The following CASD1 variants were observed in gnomAD, a reference collection of about 807,000 sequenced individuals.
CASD1 encodes the protein N-acetylneuraminate (7)9-O-acetyltransferase.
Under a neutral mutation model 100.0 loss-of-function variants are expected in CASD1, and 41 were observed. That is an observed-to-expected ratio of 0.41 (90% confidence interval 0.32 to 0.53). The LOEUF (loss-of-function observed/expected upper bound fraction) is 0.53, where lower values mean the gene tolerates loss of function less well. Ranked by LOEUF, CASD1 falls within the 20% of genes least tolerant of loss-of-function variation. The pLI, the probability that CASD1 is intolerant of heterozygous loss-of-function variation, is 0.25. For missense variants in CASD1, 774 were observed against 948.7 expected (o/e 0.82, Z 2.42); for synonymous variants, 321 against 315.6 (o/e 1.02, Z -0.18).
the CASD1 span, among the ~76,000 whole-genome samples, chr7:94,632,366 T>C: frequency 6.6e-6 from 1 of 152,054 alleles, no homozygotes; most frequent in Non-Finnish European, 1.5e-5. Context: ...TAAAAAACAT[T>C]TCTGCGTTCT....
At chr7:94,605,087 C>A in the CASD1 span, among the ~76,000 whole-genome samples, 1 of 151,506 alleles carries the variant, frequency 6.6e-6, no homozygotes, top group Non-Finnish European at 1.5e-5. Flanking sequence ...ATACATTAGT[C>A]CAGCTAGCAA....
downstream of CASD1, among the ~76,000 whole-genome samples, chr7:94,559,272 A>ATGTG (rs764130363): frequency 3.9e-3 from 258 of 65,560 alleles, 1 homozygote; most frequent in Non-Finnish European, 3.1e-3. Flanking sequence ...TTCTGTATAT[A>ATGTG]TGTCTGTGTG....
At chr7:94,576,982 TTC>T in the CASD1 span, among the ~76,000 whole-genome samples, 1 of 152,194 alleles carries the variant, frequency 6.6e-6, no homozygotes, top group Non-Finnish European at 1.5e-5. Flanking sequence ...ATTTCAGAAT[TTC>T]TGTTTCTTAT....
the CASD1 span, among the ~76,000 whole-genome samples, chr7:94,632,760 G>A: frequency 0.78 from 118,408 of 151,618 alleles, 46,951 homozygotes; most frequent in African/African-American, 0.92. Context: ...GCTCTGCAAC[G>A]GAGGCAATTT....
the CASD1 span, chr7:94,599,888 T>C: frequency 1.6e-6 from 1 of 618,878 alleles, no homozygotes; most frequent in Middle Eastern, 2.9e-4. Context: ...CTTGGATGAG[T>C]ACACATACAG....
intron 5 of CASD1, among the ~76,000 whole-genome samples, chr7:94,529,919 T>G (rs1436206147): frequency 1.3e-5 from 2 of 152,158 alleles, no homozygotes; most frequent in African/African-American, 4.8e-5. Context: ...AATAGCCTTA[T>G]AGAAGCCTAT....
the CASD1 span, chr7:94,619,941 A>G: frequency 6.6e-6 from 1 of 152,200 alleles, no homozygotes; most frequent in African/African-American, 2.4e-5. Context: ...GTAGGAGCCT[A>G]TAAAATATTA....
chr7:94,553,787 T>TAAATAAAC (rs1186701622), intron 16 of CASD1: 3 of 41,646 alleles, frequency 7.2e-5, no homozygotes, highest in Admixed American at 4.3e-4. Context: ...CCCTAGAACT[T>TAAATAAAC]AAATAAATAA....
At chr7:94,562,495 A>G in the CASD1 span, among the ~76,000 whole-genome samples, 1 of 152,152 alleles carries the variant, frequency 6.6e-6, no homozygotes, top group African/African-American at 2.4e-5. Context: ...TCTCCTCATT[A>G]GGGTCCCTGA....
At chr7:94,632,525 T>C in the CASD1 span, among the ~76,000 whole-genome samples, 3 of 152,126 alleles carry the variant, frequency 2.0e-5, no homozygotes, top group Non-Finnish European at 4.4e-5. Context: ...CAGTAAAGGC[T>C]GCTTCACTTT....
Position 94,510,050 on chromosome 7 carries a change from G to T in CASD1, c.-35G>T. The T allele has an allele frequency of 6.8e-7, 1 of 1,473,716 alleles. No homozygotes were observed. The highest frequency in any genetic ancestry group is 9.1e-7 in the Non-Finnish European group (1 of 1,104,302). 91.3% of individuals were successfully genotyped at this position (1,473,716 alleles called of 1,614,324 possible). ...TGCCCCTGTGCGGCGCCCCTTTCCCGCTCCGCCGCGCACTGTTGTCATGGA... is the reference window on the plus strand; with the variant it reads ...TGCCCCTGTGCGGCGCCCCTTTCCCTCTCCGCCGCGCACTGTTGTCATGGA... On this transcript the variant is annotated 5_prime_UTR_variant, in exon 1 of 18. Transcript: ENST00000297273.
intron 17 of CASD1, among the ~76,000 whole-genome samples, 187 bp from the exon 18 acceptor site, chr7:94,555,305 T>A (rs1377432597): frequency 6.6e-6 from 1 of 152,100 alleles, no homozygotes; most frequent in Non-Finnish European, 1.5e-5. Flanking sequence ...AGAGAGATTG[T>A]ATTAGCAGTT....
At chr7:94,588,619 T>A in the CASD1 span, 1 of 1,551,586 alleles carries the variant, frequency 6.4e-7, no homozygotes, top group African/African-American at 1.4e-5. Flanking sequence ...ATAAATTATA[T>A]AGTGCCATAA....
At chr7:94,525,816 A>G (rs1385784532) in intron 3 of CASD1, among the ~76,000 whole-genome samples, 1 of 152,238 alleles carries the variant, frequency 6.6e-6, no homozygotes, top group Admixed American at 6.5e-5. Flanking sequence ...TAACCTGTTG[A>G]TAGAACAAAT....
rs186979032 is a variant in CASD1 at position 94,539,817 on chromosome 7, T to C, written c.1356+761T>C. Among the ~76,000 whole-genome samples, 714 of 152,282 alleles carry C rather than the reference T, an allele frequency of 4.7e-3. 1 individual carries two copies. The highest frequency in any genetic ancestry group is 8.4e-3 in the Non-Finnish European group (572 of 68,032). ...GTCTTTTAGGAAGTTTGACTAGCTA[T>C]TTTTACATTTTTAAAGTTTAAAAAA... On this transcript the variant is annotated intron_variant, in intron 10 of 17. Coordinates refer to ENST00000297273, the MANE Select transcript of CASD1 (RefSeq NM_022900.5).
At chr7:94,618,695 G>T in the CASD1 span, 2 of 1,387,290 alleles carry the variant, frequency 1.4e-6, no homozygotes, top group Non-Finnish European at 2.0e-6. Context: ...TCTATAATAA[G>T]TTTGATAAGA....
intron 5 of CASD1, 108 bp downstream of exon 5, chr7:94,528,358 C>A: frequency 1.4e-6 from 1 of 735,908 alleles, no homozygotes; most frequent in Non-Finnish European, 2.2e-6. Flanking sequence ...ATATTTTATA[C>A]CTGCCTTCTT....
chr7:94,578,646 T>C, the CASD1 span, among the ~76,000 whole-genome samples: 1 of 152,324 alleles, frequency 6.6e-6, no homozygotes, highest in East Asian at 1.9e-4. Flanking sequence ...AGATGCAGTG[T>C]TCTGATTAGC....
At chr7:94,557,761 TAATC>T (rs1236756283), downstream of CASD1, among the ~76,000 whole-genome samples, 7 of 151,870 alleles carry the variant, frequency 4.6e-5, no homozygotes, top group Non-Finnish European at 7.4e-5. Context: ...AATTATATAA[TAATC>T]TGTATAATTT....
Sources: allele counts gnomAD v4.1 joint callset (sites outside exome capture counted in the v4.1 genomes callset), GRCh38; gene constraint gnomAD v4.1.1; transcripts MANE v1.5; gene names NCBI Gene and HGNC (gene_info 2026-07-23, HGNC 2026-07-21).